TAF1: variants seen among roughly 807,000 people sequenced by gnomAD.
The protein encoded by TAF1 is TATA-box binding protein associated factor 1.
In TAF1, 2 loss-of-function variants were observed where a neutral mutation model predicts 138.5. That is an observed-to-expected ratio of 0.01 (90% CI 0.01 to 0.05). The LOEUF (loss-of-function observed/expected upper bound fraction) is 0.05. Ranked by LOEUF, TAF1 falls within the 10% of genes least tolerant of loss-of-function variation. TAF1 has a pLI of 1.00. For synonymous variants in TAF1, 437 were observed against 503.2 expected (o/e 0.87, Z 1.76); for missense variants, 709 against 1,478.0 (o/e 0.48, Z 8.53).
chrX:71,529,662 C>A (rs2040067310), intron 14 of TAF1: 2 of 331,197 alleles, frequency 6.0e-6, no homozygotes, highest in Non-Finnish European at 1.2e-5. Context: ...AGTGAAGATG[C>A]AAGTCTCCAT....
At chrX:71,489,288 A>G (rs986505715) in intron 13 of TAF1, among the ~76,000 whole-genome samples, 1 of 110,887 alleles carries the variant, frequency 9.0e-6, no homozygotes, top group South Asian at 3.8e-4. Context: ...AAGATGTCAG[A>G]GGTCAGGTTT....
chrX:71,494,804 A>G (rs1251089878), intron 13 of TAF1, among the ~76,000 whole-genome samples: 1 of 112,262 alleles, frequency 8.9e-6, no homozygotes, highest in East Asian at 2.8e-4. Context: ...GTGAAGAGTG[A>G]AAGAACAAAG....
At chrX:71,471,768 G>A (rs924302037) in intron 13 of TAF1, among the ~76,000 whole-genome samples, 27 of 111,655 alleles carry the variant, frequency 2.4e-4, no homozygotes, top group African/African-American at 8.8e-4. Context: ...ATCTTCTCAG[G>A]TCCAAATACC....
chrX:71,474,154 A>AAG (rs760729685), intron 13 of TAF1, among the ~76,000 whole-genome samples: 6 of 107,034 alleles, frequency 5.6e-5, no homozygotes, highest in South Asian at 3.9e-4. Context: ...AAAAGAAAGA[A>AAG]AGAGAGAGAG....
intron 13 of TAF1, among the ~76,000 whole-genome samples, chrX:71,513,809 G>A (rs777381382): frequency 1.8e-5 from 2 of 111,348 alleles, no homozygotes; most frequent in South Asian, 3.8e-4. Context: ...TGGGGACTTG[G>A]AGAACTCTTC....
At chrX:71,511,339 C>T (rs1357226005) in intron 13 of TAF1, among the ~76,000 whole-genome samples, 1 of 112,049 alleles carries the variant, frequency 8.9e-6, no homozygotes, top group African/African-American at 3.2e-5. Context: ...GGGCCAGGAC[C>T]ACTGGATCAC....
intron 13 of TAF1, among the ~76,000 whole-genome samples, chrX:71,486,309 C>T (rs1435282618): frequency 9.0e-6 from 1 of 111,058 alleles, no homozygotes; most frequent in Non-Finnish European, 1.9e-5. Context: ...CTCGGCCTCC[C>T]AAAGTGCTGG....
intron 13 of TAF1, among the ~76,000 whole-genome samples, chrX:71,510,891 G>A (rs1248858470): frequency 9.0e-6 from 1 of 111,283 alleles, no homozygotes; most frequent in Non-Finnish European, 1.9e-5. Context: ...ATCACCTGAG[G>A]TCAGGAGTTG....
At chrX:71,431,315 G>T (rs372853300) in intron 32 of TAF1, among the ~76,000 whole-genome samples, 4 of 109,384 alleles carry the variant, frequency 3.7e-5, no homozygotes, top group African/African-American at 1.3e-4. Flanking sequence ...CACCTCCCTC[G>T]GCTTCTCAAA....
chrX:71,483,453 A>T (rs778222453), intron 13 of TAF1, among the ~76,000 whole-genome samples: 18 of 105,358 alleles, frequency 1.7e-4, no homozygotes, highest in African/African-American at 6.3e-4. Flanking sequence ...GAAAAAAATT[A>T]ACTGGGCGTG....
At chrX:71,446,853 G>C (rs2037716945) in intron 32 of TAF1, among the ~76,000 whole-genome samples, 1 of 111,804 alleles carries the variant, frequency 8.9e-6, no homozygotes, top group Non-Finnish European at 1.9e-5. Context: ...TCTGGTTTAA[G>C]AGACTGAACC....
intron 4 of TAF1, 137 bp downstream of exon 4, chrX:71,375,423 A>C: frequency 4.8e-6 from 4 of 830,411 alleles, no homozygotes; most frequent in Non-Finnish European, 6.4e-6. Flanking sequence ...ACAATCGCAA[A>C]TTTTAGTATT....
At chrX:71,388,479 G>T in intron 16 of TAF1, 101 bp downstream of exon 16, 2 of 1,079,702 alleles carry the variant, frequency 1.9e-6, no homozygotes, top group Non-Finnish European at 2.5e-6. Context: ...AATAGAAATT[G>T]ATGGCTGTTG....
chrX:71,383,224 A>G, intron 12 of TAF1, 60 bp downstream of exon 12: 1 of 1,109,371 alleles, frequency 9.0e-7, no homozygotes, highest in Non-Finnish European at 1.2e-6. Context: ...AAATTAAGGG[A>G]ATGTACCAGG....
At chrX:71,506,719 G>T (rs943208324) in intron 13 of TAF1, among the ~76,000 whole-genome samples, 2 of 107,407 alleles carry the variant, frequency 1.9e-5, no homozygotes, top group Non-Finnish European at 3.8e-5. Flanking sequence ...AAAAAAAAAT[G>T]CTATATATTC....
chrX:71,388,972 A>T, intron 17 of TAF1, 104 bp downstream of exon 17: 1 of 974,149 alleles, frequency 1.0e-6, no homozygotes, highest in Non-Finnish European at 1.4e-6. Context: ...TGACTGGCTT[A>T]GGGAGGATGG....
intron 8 of TAF1, among the ~76,000 whole-genome samples, chrX:71,379,507 T>A (rs1472477693): frequency 9.1e-6 from 1 of 109,971 alleles, no homozygotes; most frequent in Non-Finnish European, 1.9e-5. Context: ...ATTTTTATGC[T>A]CAACCTGGAG....
At chrX:71,423,329 CTGAG>C (rs1481785968) in intron 30 of TAF1, 90 bp downstream of exon 30, 2 of 1,155,593 alleles carry the variant, frequency 1.7e-6, no homozygotes, top group Non-Finnish European at 2.3e-6. Flanking sequence ...TTTGGAGAGT[CTGAG>C]TGGTGGTGTA....
chrX:71,455,891 C>T (rs903039159), intron 34 of TAF1, among the ~76,000 whole-genome samples: 1 of 111,505 alleles, frequency 9.0e-6, no homozygotes, highest in Non-Finnish European at 1.9e-5. Context: ...CTCTATATCT[C>T]GTTCATGCAC....
Sources: gnomAD v4.1 joint callset for allele counts (sites outside exome capture counted in the v4.1 genomes callset) on GRCh38, gnomAD v4.1.1 for gene constraint, MANE v1.5 for transcripts, NCBI Gene and HGNC (gene_info 2026-07-23, HGNC 2026-07-21) for gene names.